The following SMARCB1 variants were observed in gnomAD, a reference collection of about 807,000 sequenced individuals.
The protein encoded by SMARCB1 is SWI/SNF-related matrix-associated actin-dependent regulator of chromatin subfamily B member 1.
SMARCB1 carries 5 observed loss-of-function variants against 49.0 expected under a neutral mutation model. The ratio of observed to expected loss-of-function variants is 0.10; its 90% CI spans 0.05 to 0.21. The LOEUF (loss-of-function observed/expected upper bound fraction) is 0.21. Ranked by LOEUF, SMARCB1 falls within the 10% of genes least tolerant of loss-of-function variation. The probability of loss-of-function intolerance (pLI) is 1.00; values close to 1 mark genes in which losing one functional copy is unlikely to be tolerated. For missense variants in SMARCB1, 226 were observed against 509.2 expected, an observed-to-expected ratio of 0.44 and a Z score of 5.35; for synonymous variants, 201 against 200.1, an observed-to-expected ratio of 1.00 and a Z score of -0.04.
intron 8 of SMARCB1, 83 bp downstream of exon 8, chr22:23,833,786 C>T (rs1337458824): frequency 6.7e-7 from 1 of 1,494,446 alleles, no homozygotes; most frequent in East Asian, 2.3e-5. Context: ...CTTTCCCAGT[C>T]TCCCATGGTC....
At position 23,835,719 on chromosome 22, in the gene SMARCB1, C is replaced by G; in HGVS notation, c.*1539C>G. On this transcript the variant is annotated 3_prime_UTR_variant, in exon 9 of 9. Coordinates refer to ENST00000644036, the MANE Select transcript of SMARCB1 (RefSeq NM_003073.5). ...AGGTTTCATTGCTGAGGTGTTTGTT[C>G]TGTCCATGAGGTAGGAACCTCGGCA... The G allele has an allele frequency of 1.0e-6, 1 of 985,498 alleles. No individual in the cohort carries two copies. The highest frequency in any genetic ancestry group is 1.2e-6 in the Non-Finnish European group (1 of 829,958). 61.0% of individuals were successfully genotyped at this position (985,498 alleles called of 1,614,324 possible).
At position 23,837,726 on chromosome 22, in the gene SMARCB1, CG is replaced by C; in HGVS notation, c.*3548del. On this transcript the variant is annotated 3_prime_UTR_variant, in exon 9 of 9. Coordinates refer to ENST00000644036, the MANE Select transcript of SMARCB1 (RefSeq NM_003073.5). Reference sequence around the variant, plus strand: ...AGCCCATGAGCGCCCAAGGCAGGAACGGTGCCTGGAAAGTGAGCAGGCCGAA... The same window carrying C: ...AGCCCATGAGCGCCCAAGGCAGGAACGTGCCTGGAAAGTGAGCAGGCCGAA... 1 of 1,614,012 alleles carries C rather than the reference CG, an allele frequency of 6.2e-7. No individual in the cohort carries two copies. Among genetic ancestry groups the C allele is most frequent in the Non-Finnish European group, 8.5e-7 (1 of 1,180,014 alleles).
chr22:23,793,437 G>A, intron 2 of SMARCB1, 122 bp from the exon 3 acceptor site: 1 of 1,020,874 alleles, frequency 9.8e-7, no homozygotes, highest in Admixed American at 1.7e-5. Flanking sequence ...GCAGTAGTAA[G>A]TTTGACACCT....
chr22:23,828,483 G>A (rs959250811), intron 7 of SMARCB1, among the ~76,000 whole-genome samples: 14 of 152,168 alleles, frequency 9.2e-5, no homozygotes, highest in Admixed American at 2.6e-4. Flanking sequence ...GCAAAACCCC[G>A]TCTCTACTAG....
intron 7 of SMARCB1, 122 bp downstream of exon 7, chr22:23,825,537 G>T: frequency 1.1e-6 from 1 of 873,324 alleles, no homozygotes; most frequent in Non-Finnish European, 1.8e-6. Context: ...CAATCTGGCT[G>T]GGGTCTGTGT....
chr22:23,834,723 TCTC>T lies in SMARCB1; in HGVS notation c.*546_*548del. 3 of 1,439,178 alleles carry T rather than the reference TCTC, an allele frequency of 2.1e-6. No individual in the cohort carries two copies. Among genetic ancestry groups the T allele is most frequent in the Non-Finnish European group, 2.8e-6 (3 of 1,080,868 alleles). 89.2% of individuals were successfully genotyped at this position (1,439,178 alleles called of 1,614,324 possible). ...CTCCTCTCAGCTCCCCTCAGCCTGT[TCTC>T]CTTCCAGACCCAGAGAGCTGAGAAG... is the stretch of plus-strand genomic sequence containing the variant. On this transcript the variant is annotated 3_prime_UTR_variant, in exon 9 of 9. Transcript: ENST00000644036.
At position 23,836,601 on chromosome 22, in the gene SMARCB1, T is replaced by C; in HGVS notation, c.*2421T>C. The C allele has an allele frequency of 1.7e-6, 2 of 1,188,494 alleles. No individual in the cohort carries two copies. The highest frequency in any genetic ancestry group is 2.1e-6 in the Non-Finnish European group (2 of 962,128). 73.6% of individuals were successfully genotyped at this position (1,188,494 alleles called of 1,614,324 possible). A position where few individuals can be genotyped will look rare whatever the true frequency, so the allele number is the denominator to read the frequency against. On this transcript the variant is annotated 3_prime_UTR_variant, in exon 9 of 9. Coordinates refer to ENST00000644036, the MANE Select transcript of SMARCB1 (RefSeq NM_003073.5). ...CTCTGCCAGGCAACCATGGGCAGTT[T>C]CTTTGCCCTCTGTGGGCACCCCTAT... is the stretch of plus-strand genomic sequence containing the variant.
Position 23,837,281 on chromosome 22 carries a change from G to C in SMARCB1, c.*3101G>C. 5.7e-6 allele frequency: 7 copies of C among 1,231,852 alleles called. No homozygotes were observed. The highest frequency in any genetic ancestry group is 8.0e-6 in the Non-Finnish European group (7 of 879,274). 76.3% of individuals were successfully genotyped at this position (1,231,852 alleles called of 1,614,324 possible). ...GGCCCCACAGCATGAGTGCCCCAAA[G>C]CCTTGCACAGAGTGCCAGCCCCGGG... On this transcript the variant is annotated 3_prime_UTR_variant, in exon 9 of 9. Transcript: ENST00000644036.
At chr22:23,831,344 T>G (rs2030647744) in intron 7 of SMARCB1, among the ~76,000 whole-genome samples, 1 of 152,234 alleles carries the variant, frequency 6.6e-6, no homozygotes, top group Non-Finnish European at 1.5e-5. Flanking sequence ...CCTGGCTCCC[T>G]CTGTCCCTCA....
intron 5 of SMARCB1, among the ~76,000 whole-genome samples, chr22:23,807,961 ATTTTTT>A (rs374625560): frequency 3.8e-5 from 4 of 105,250 alleles, no homozygotes; most frequent in South Asian, 5.6e-4. Context: ...CACCCGGCTA[ATTTTTT>A]TTTTTTTTTT....
intron 4 of SMARCB1, chr22:23,802,591 C>T (rs1413802289): frequency 1.2e-5 from 2 of 161,530 alleles, no homozygotes; most frequent in African/African-American, 4.8e-5. Flanking sequence ...GCACTCAGCT[C>T]ACTTTTCTCT....
chr22:23,822,833 C>T (rs960214777), intron 6 of SMARCB1, among the ~76,000 whole-genome samples: 2 of 151,582 alleles, frequency 1.3e-5, no homozygotes, highest in African/African-American at 4.9e-5. Flanking sequence ...GGCCTCCTGA[C>T]TTCTGAGGCC....
intron 6 of SMARCB1, chr22:23,823,644 G>GCAT (rs2030222068): frequency 6.6e-6 from 1 of 152,182 alleles, no homozygotes; most frequent in African/African-American, 2.4e-5. Context: ...GAAGAAAATA[G>GCAT]GAGAGGTGCC....
chr22:23,811,186 A>G lies in SMARCB1; in HGVS notation c.629-5584A>G, dbSNP rs575158097. 7.9e-5 allele frequency among the ~76,000 whole-genome samples: 12 copies of G among 152,364 alleles called. No homozygotes were observed. In the South Asian group the frequency reaches 1.2e-3, roughly 16 times the overall value. ...TAATGGTAAAAAGATAAGTTCATCAAGACATAGCAATCCTAAATATGTATG... is the reference window on the plus strand; with the variant it reads ...TAATGGTAAAAAGATAAGTTCATCAGGACATAGCAATCCTAAATATGTATG... On this transcript the variant is annotated intron_variant, in intron 5 of 8. Transcript: ENST00000644036.
chr22:23,833,229 G>A (rs561929708), intron 7 of SMARCB1, among the ~76,000 whole-genome samples: 2 of 152,306 alleles, frequency 1.3e-5, no homozygotes, highest in Admixed American at 6.5e-5. Context: ...CTCCTGACTG[G>A]CACTGTGGCA....
chr22:23,822,222 C>T (rs1173443998), intron 6 of SMARCB1, among the ~76,000 whole-genome samples: 1 of 152,244 alleles, frequency 6.6e-6, no homozygotes, highest in Non-Finnish European at 1.5e-5. Flanking sequence ...TCGGCTTTGC[C>T]CAGTTCCAGC....
At chr22:23,797,071 C>T (rs1320709024) in intron 3 of SMARCB1, among the ~76,000 whole-genome samples, 2 of 148,602 alleles carry the variant, frequency 1.3e-5, no homozygotes, top group Non-Finnish European at 3.0e-5. Context: ...AATCTCGGCT[C>T]ACTGCAGGCT....
At chr22:23,820,699 A>G (rs1379790028) in intron 6 of SMARCB1, among the ~76,000 whole-genome samples, 2 of 151,048 alleles carry the variant, frequency 1.3e-5, no homozygotes, top group African/African-American at 2.4e-5. Context: ...GAGGAATACA[A>G]ATTTGTTTCA....
At chr22:23,830,956 G>C (rs2030625701) in intron 7 of SMARCB1, among the ~76,000 whole-genome samples, 1 of 152,054 alleles carries the variant, frequency 6.6e-6, no homozygotes, top group Admixed American at 6.5e-5. Flanking sequence ...ACTGCACCAG[G>C]CCTGTAATTT....
Sources: gnomAD v4.1 joint callset for allele counts (sites outside exome capture counted in the v4.1 genomes callset) on GRCh38, gnomAD v4.1.1 for gene constraint, MANE v1.5 for transcripts, NCBI Gene and HGNC (gene_info 2026-07-23, HGNC 2026-07-21) for gene names.